The following NRXN1 variants were observed in gnomAD, a reference collection of about 807,000 sequenced individuals.
NRXN1 encodes the protein neurexin 1.
NRXN1 carries 39 observed loss-of-function variants against 150.9 expected under a neutral mutation model. That is an observed-to-expected ratio of 0.26 (90% CI 0.20 to 0.34). The LOEUF is 0.34. Among genes scored for constraint, NRXN1 ranks in the 10% least tolerant of loss-of-function variants. The probability of loss-of-function intolerance (pLI) is 1.00; values close to 1 mark genes in which losing one functional copy is unlikely to be tolerated. For missense variants in NRXN1, 1,815 were observed against 1,949.9 expected (o/e 0.93, Z 1.30); for synonymous variants, 924 against 757.0 (o/e 1.22, Z -3.62).
rs115169729 is a variant in NRXN1, at chr2:50,198,527, T to C, written c.3546+38262A>G. 1.4e-3 allele frequency among the ~76,000 whole-genome samples: 215 copies of C among 152,302 alleles called. 2 individuals are homozygous for C. The highest frequency in any genetic ancestry group is 4.9e-3 in the African/African-American group (202 of 41,576). On this transcript the variant is annotated intron_variant, in intron 18 of 22. Transcript: ENST00000401669. ...TGCCCATAATGTAACTGAAGAAATA[T>C]AGTTCCTTAAAAGTAGCTATGGTTT...
At chr2:50,240,531 G>A (rs889758254) in intron 17 of NRXN1, among the ~76,000 whole-genome samples, 3 of 151,450 alleles carry the variant, frequency 2.0e-5, no homozygotes, top group Non-Finnish European at 4.4e-5. Context: ...AAATATAGTG[G>A]GTTAGATGGC....
At chr2:49,924,446 T>C (rs1668738903) in intron 22 of NRXN1, among the ~76,000 whole-genome samples, 2 of 151,284 alleles carry the variant, frequency 1.3e-5, no homozygotes, top group African/African-American at 4.8e-5. Flanking sequence ...GTAAATGGAC[T>C]ATCTTATCAA....
At chr2:50,262,891 G>T (rs933344951) in intron 17 of NRXN1, among the ~76,000 whole-genome samples, 2 of 151,902 alleles carry the variant, frequency 1.3e-5, no homozygotes, top group African/African-American at 4.8e-5. Flanking sequence ...GTTCTTATGT[G>T]TTGGAGTTTT....
chr2:50,340,846 A>C (rs1422749084), intron 17 of NRXN1, among the ~76,000 whole-genome samples: 1 of 152,178 alleles, frequency 6.6e-6, no homozygotes, highest in Non-Finnish European at 1.5e-5. Flanking sequence ...TCTTTAAAAG[A>C]GGCACACACT....
chr2:50,715,676 C>T (rs977430911), intron 5 of NRXN1, among the ~76,000 whole-genome samples: 7 of 152,104 alleles, frequency 4.6e-5, no homozygotes, highest in Non-Finnish European at 8.8e-5. Flanking sequence ...GCATTCTTGC[C>T]TTTTTGCTTA....
At chr2:50,073,260 A>G (rs1696574287) in intron 19 of NRXN1, among the ~76,000 whole-genome samples, 1 of 152,196 alleles carries the variant, frequency 6.6e-6, no homozygotes, top group South Asian at 2.1e-4. Flanking sequence ...ATCATGTGTT[A>G]TCTGCAACAG....
At chr2:50,266,860 C>T (rs923367527) in intron 17 of NRXN1, among the ~76,000 whole-genome samples, 1 of 152,152 alleles carries the variant, frequency 6.6e-6, no homozygotes, top group Non-Finnish European at 1.5e-5. Flanking sequence ...CTCCATTCAC[C>T]TATGTCAAAA....
chr2:50,836,202 G>A (rs952365366), intron 5 of NRXN1, among the ~76,000 whole-genome samples: 1 of 151,876 alleles, frequency 6.6e-6, no homozygotes, highest in East Asian at 1.9e-4. Flanking sequence ...GTTTTGTTTA[G>A]GTTTTTAATC....
At chr2:50,583,742 T>C (rs1672652847) in intron 8 of NRXN1, among the ~76,000 whole-genome samples, 1 of 152,176 alleles carries the variant, frequency 6.6e-6, no homozygotes. Context: ...ATCTAGAATT[T>C]TCTTTGAAGA....
chr2:50,318,674 C>G (rs1028695692), intron 17 of NRXN1, among the ~76,000 whole-genome samples: 3 of 152,010 alleles, frequency 2.0e-5, no homozygotes, highest in Admixed American at 2.0e-4. Context: ...AGGAATAAAA[C>G]TACTATTATT....
At chr2:49,924,815 C>A (rs1009815736) in intron 22 of NRXN1, among the ~76,000 whole-genome samples, 1 of 152,144 alleles carries the variant, frequency 6.6e-6, no homozygotes, top group Admixed American at 6.6e-5. Context: ...AACATGTTAT[C>A]TTTCTTTTCC....
chr2:50,420,265 T>C (rs2083873623), intron 17 of NRXN1, among the ~76,000 whole-genome samples: 1 of 152,012 alleles, frequency 6.6e-6, no homozygotes, highest in Non-Finnish European at 1.5e-5. Context: ...GAAACCATAC[T>C]TGGCAGAAAG....
intron 22 of NRXN1, among the ~76,000 whole-genome samples, chr2:49,939,724 G>T (rs1003714542): frequency 8.5e-5 from 13 of 152,058 alleles, no homozygotes; most frequent in Admixed American, 2.0e-4. Flanking sequence ...TAACTGAATT[G>T]GGGGAAAAAG....
intron 5 of NRXN1, among the ~76,000 whole-genome samples, chr2:50,827,745 C>T (rs1006848555): frequency 9.2e-5 from 14 of 151,524 alleles, no homozygotes; most frequent in Non-Finnish European, 1.9e-4. Context: ...AGGCAGAGGA[C>T]CCTGCGGCCT....
intron 5 of NRXN1, among the ~76,000 whole-genome samples, chr2:50,726,536 C>T (rs894224217): frequency 3.9e-5 from 6 of 152,176 alleles, no homozygotes; most frequent in African/African-American, 1.4e-4. Flanking sequence ...TTGTGCTACA[C>T]TGTTAACTTA....
intron 5 of NRXN1, among the ~76,000 whole-genome samples, chr2:50,914,174 G>T (rs62142974): frequency 0.083 from 12,641 of 151,678 alleles, 580 homozygotes; most frequent in South Asian, 0.12. Context: ...GGACCTGGAC[G>T]CACTGATAAG....
rs149122323 is a variant in NRXN1 at position 50,982,148 on chromosome 2, A to G, written c.772+45354T>C. Among the ~76,000 whole-genome samples the G allele has an allele frequency of 2.7e-3, 418 of 152,194 alleles. 7 individuals carry two copies. Among genetic ancestry groups the G allele is most frequent in the Admixed American group, 0.018 (280 of 15,266 alleles). ...AAAGCTATGGAGAAAAAGCTTACAGATTTATCTTAAAATTTAGCCTGACAA... is the reference window on the plus strand; with the variant it reads ...AAAGCTATGGAGAAAAAGCTTACAGGTTTATCTTAAAATTTAGCCTGACAA... On this transcript the variant is annotated intron_variant, in intron 2 of 22. Coordinates refer to ENST00000401669, the MANE Select transcript of NRXN1 (RefSeq NM_001330078.2).
At chr2:50,879,306 C>T (rs1443440288) in intron 5 of NRXN1, among the ~76,000 whole-genome samples, 2 of 151,904 alleles carry the variant, frequency 1.3e-5, no homozygotes, top group African/African-American at 4.8e-5. Context: ...CCAGGCCCTA[C>T]ATGAGCCACT....
chr2:50,706,697 A>T (rs1289443530), intron 5 of NRXN1, among the ~76,000 whole-genome samples: 1 of 152,160 alleles, frequency 6.6e-6, no homozygotes, highest in Admixed American at 6.6e-5. Flanking sequence ...TTTCATAAGA[A>T]ATCTATAAAA....
Sources: allele counts gnomAD v4.1 joint callset (sites outside exome capture counted in the v4.1 genomes callset), GRCh38; gene constraint gnomAD v4.1.1; transcripts MANE v1.5; gene names NCBI Gene and HGNC (gene_info 2026-07-23, HGNC 2026-07-21).